The following FXR1 variants were observed in gnomAD, a reference collection of about 807,000 sequenced individuals.
FXR1 encodes the protein RNA-binding protein FXR1.
Under a neutral mutation model 84.0 loss-of-function variants are expected in FXR1, and 15 were observed. The observed-to-expected ratio is 0.18, with a 90% CI of 0.12 to 0.27. FXR1 has a LOEUF of 0.27. Among genes scored for constraint, FXR1 ranks in the 10% least tolerant of loss-of-function variants. The pLI is 1.00. For missense variants in FXR1, 480 were observed against 774.4 expected (o/e 0.62, Z 4.51); for synonymous variants, 245 against 250.7 (o/e 0.98, Z 0.21).
chr3:180,973,390 C>G (rs991911985), intron 15 of FXR1, among the ~76,000 whole-genome samples: 1 of 152,128 alleles, frequency 6.6e-6, no homozygotes, highest in African/African-American at 2.4e-5. Flanking sequence ...CTCAAAATGG[C>G]AAAAACCACA....
intron 1 of FXR1, among the ~76,000 whole-genome samples, chr3:180,914,003 TTAAC>T (rs1408937985): frequency 6.6e-6 from 1 of 152,198 alleles, no homozygotes; most frequent in Non-Finnish European, 1.5e-5. Context: ...TGGATTTGGT[TTAAC>T]TGTCACGTGG....
chr3:180,927,879 A>C (rs550488864), intron 1 of FXR1: 1 of 378,090 alleles, frequency 2.6e-6, no homozygotes, highest in East Asian at 3.8e-5. Context: ...CTCACCTAAG[A>C]ATATTTGAAT....
intron 8 of FXR1, among the ~76,000 whole-genome samples, chr3:180,952,427 C>A (rs1722316531): frequency 6.6e-6 from 1 of 152,124 alleles, no homozygotes; most frequent in Non-Finnish European, 1.5e-5. Context: ...CACGGTGGCT[C>A]ACGTCTGTAA....
intron 7 of FXR1, among the ~76,000 whole-genome samples, chr3:180,950,995 T>C (rs1352754687): frequency 6.6e-6 from 1 of 152,068 alleles, no homozygotes; most frequent in East Asian, 1.9e-4. Context: ...GGAGGATTGC[T>C]TTAGCCCAAA....
In FXR1 at chr3:180,968,091, T is replaced by A; in HGVS notation, c.1239T>A (p.Ser413=). The change falls in exon 14 of 17, where the codon TCT becomes TCA. Residue 413 remains serine (S), a synonymous_variant. Coordinates refer to ENST00000357559, the MANE Select transcript of FXR1 (RefSeq NM_005087.4). ...TGTCTAACCCCTCTGAAACGGAATC[T>A]GAGCGTAAAGACGAGCTGAGTGATT... ...SELSNPSETE[S]ERKDELSDWS... The A allele has an allele frequency of 1.9e-6, 3 of 1,613,748 alleles. No individual in the cohort carries two copies. The highest frequency in any genetic ancestry group is 2.5e-6 in the Non-Finnish European group (3 of 1,179,646).
chr3:180,916,565 G>A (rs750971020), intron 1 of FXR1, among the ~76,000 whole-genome samples: 7 of 152,046 alleles, frequency 4.6e-5, no homozygotes, highest in Non-Finnish European at 8.8e-5. Context: ...GTGCTAACAT[G>A]GCCGGCTAAT....
At chr3:180,965,952 T>C (rs929337874) in intron 13 of FXR1, among the ~76,000 whole-genome samples, 1 of 152,198 alleles carries the variant, frequency 6.6e-6, no homozygotes, top group Non-Finnish European at 1.5e-5. Context: ...ACTGGATTTC[T>C]AAGGATACTT....
At chr3:180,933,978 T>TGG (rs34484704) in intron 2 of FXR1, among the ~76,000 whole-genome samples, 6 of 151,674 alleles carry the variant, frequency 4.0e-5, no homozygotes, top group African/African-American at 1.5e-4. Flanking sequence ...CTAGTCATGG[T>TGG]GGGGGGGCGC....
At chr3:180,972,940 C>G (rs3026201) in intron 15 of FXR1, among the ~76,000 whole-genome samples, 12 of 152,156 alleles carry the variant, frequency 7.9e-5, no homozygotes, top group Admixed American at 1.3e-4. Context: ...GTTTAAAACA[C>G]TCATTTAATT....
At chr3:180,964,597 GA>G (rs1712558732) in intron 13 of FXR1, among the ~76,000 whole-genome samples, 3 of 150,520 alleles carry the variant, frequency 2.0e-5, no homozygotes. Context: ...AGTGGGCTTG[GA>G]AAAGCAAGAA....
At chr3:180,917,135 C>T (rs1576881108) in intron 1 of FXR1, among the ~76,000 whole-genome samples, 1 of 152,206 alleles carries the variant, frequency 6.6e-6, no homozygotes, top group African/African-American at 2.4e-5. Context: ...CGCGCCTGGC[C>T]AGAGTTAATT....
chr3:180,923,409 T>TA (rs1185259027), intron 1 of FXR1, among the ~76,000 whole-genome samples: 5 of 152,204 alleles, frequency 3.3e-5, no homozygotes, highest in Non-Finnish European at 5.9e-5. Context: ...TTATTTTCCT[T>TA]ACATTACTGT....
At chr3:180,922,459 A>G (rs1245286457) in intron 1 of FXR1, among the ~76,000 whole-genome samples, 9 of 151,990 alleles carry the variant, frequency 5.9e-5, no homozygotes, top group East Asian at 1.9e-4. Context: ...TTTGTTTGCC[A>G]TTTGATTTTG....
At chr3:180,952,807 AT>A (rs1405688313) in intron 8 of FXR1, among the ~76,000 whole-genome samples, 2 of 151,116 alleles carry the variant, frequency 1.3e-5, no homozygotes, top group South Asian at 2.1e-4. Flanking sequence ...TGGTTTTAAA[AT>A]TTAAAAAAAA....
chr3:180,962,767 T>C (rs1712286389), intron 11 of FXR1, 116 bp from the exon 12 acceptor site: 1 of 688,540 alleles, frequency 1.5e-6, no homozygotes, highest in African/African-American at 1.8e-5. Flanking sequence ...CAATGCTCTT[T>C]ACCATCTAAT....
chr3:180,963,091 GT>G lies in FXR1; in HGVS notation c.1198+2del. ...GGACCTAATTACACCTCCGGTTATG[GT>G]AAAAAAAAATTTTTTTTTTTTTTTT... On this transcript the variant is annotated splice_donor_variant, in intron 13 of 16. Coordinates refer to ENST00000357559, the MANE Select transcript of FXR1 (RefSeq NM_005087.4). LOFTEE classifies it high-confidence loss of function. 7.3e-7 allele frequency: 1 copy of G among 1,365,980 alleles called. No homozygotes were observed. The highest frequency in any genetic ancestry group is 1.0e-6 in the Non-Finnish European group (1 of 982,864). The allele number at this position is 1,365,980 out of a possible 1,614,324, so 84.6% of individuals were successfully genotyped here.
intron 3 of FXR1, among the ~76,000 whole-genome samples, chr3:180,946,405 G>T (rs1368182235): frequency 2.0e-5 from 3 of 152,118 alleles, no homozygotes; most frequent in African/African-American, 7.2e-5. Context: ...TTTATAAAAG[G>T]GCCCAGTGGA....
At chr3:180,923,936 G>C (rs1052456641) in intron 1 of FXR1, among the ~76,000 whole-genome samples, 45 of 152,016 alleles carry the variant, frequency 3.0e-4, no homozygotes, top group African/African-American at 1.0e-3. Context: ...AGATCTGGGA[G>C]ACAAGTCAGA....
At chr3:180,940,323 G>A (rs1050366972) in intron 3 of FXR1, among the ~76,000 whole-genome samples, 8 of 151,880 alleles carry the variant, frequency 5.3e-5, no homozygotes, top group East Asian at 1.9e-4. Flanking sequence ...AATATGCTCC[G>A]CCTGTAAAGT....
Sources: gnomAD v4.1 joint callset for allele counts (sites outside exome capture counted in the v4.1 genomes callset) on GRCh38, gnomAD v4.1.1 for gene constraint, MANE v1.5 for transcripts, NCBI Gene and HGNC (gene_info 2026-07-23, HGNC 2026-07-21) for gene names.